The following GRIK2 variants were observed in gnomAD, a reference collection of about 807,000 sequenced individuals.
The protein encoded by GRIK2 is glutamate ionotropic receptor kainate type subunit 2.
Under a neutral mutation model 100.3 loss-of-function variants are expected in GRIK2, and 32 were observed. That is an observed-to-expected ratio of 0.32 (90% CI 0.24 to 0.43). The LOEUF (loss-of-function observed/expected upper bound fraction) is 0.43. GRIK2 is among the 20% of genes least tolerant of loss of function. GRIK2 has a pLI of 1.00. For missense variants in GRIK2, 843 were observed against 1,114.9 expected (o/e 0.76, Z 3.47); for synonymous variants, 417 against 389.4 (o/e 1.07, Z -0.83).
At chr6:101,799,269 T>C (rs1256139137) in intron 7 of GRIK2, among the ~76,000 whole-genome samples, 1 of 139,058 alleles carries the variant, frequency 7.2e-6, no homozygotes, top group Non-Finnish European at 1.5e-5. Flanking sequence ...ATGTTAGCAA[T>C]GTACTCATTG....
intron 12 of GRIK2, among the ~76,000 whole-genome samples, chr6:101,904,911 T>G (rs554290031): frequency 6.6e-6 from 1 of 151,628 alleles, no homozygotes; most frequent in African/African-American, 2.4e-5. Flanking sequence ...AAACTATACA[T>G]TTTTTACGAT....
intron 4 of GRIK2, among the ~76,000 whole-genome samples, chr6:101,634,878 A>C (rs1030380602): frequency 2.0e-5 from 3 of 152,066 alleles, no homozygotes; most frequent in Non-Finnish European, 4.4e-5. Context: ...GATGAAGTAT[A>C]CTTATAGATT....
chr6:102,005,249 A>C lies in GRIK2; in HGVS notation c.2086-30092A>C, dbSNP rs539260709. Among the ~76,000 whole-genome samples the C allele has an allele frequency of 6.0e-5, 9 of 150,700 alleles. 1 individual carries two copies. The highest frequency in any genetic ancestry group is 2.2e-4 in the African/African-American group (9 of 41,446). ...ACACATACAATCATATAATCTTATA[A>C]ATATTCACAATATGAGACTCTGTGA... is the stretch of plus-strand genomic sequence containing the variant. On this transcript the variant is annotated intron_variant, in intron 14 of 16. Transcript: ENST00000369134.
intron 7 of GRIK2, among the ~76,000 whole-genome samples, chr6:101,690,052 GTTATTGAT>G (rs1270519188): frequency 5.3e-5 from 8 of 152,076 alleles, no homozygotes; most frequent in Non-Finnish European, 1.0e-4. Context: ...GGTGATACTT[GTTATTGAT>G]TTATTGAGTT....
At chr6:101,435,688 T>C (rs1335546803) in intron 2 of GRIK2, among the ~76,000 whole-genome samples, 1 of 152,192 alleles carries the variant, frequency 6.6e-6, no homozygotes, top group African/African-American at 2.4e-5. Flanking sequence ...TCAAGATCCA[T>C]GTGCCCAAAG....
chr6:101,497,858 CTTATTTA>C (rs1562180905), intron 2 of GRIK2, among the ~76,000 whole-genome samples: 2 of 151,134 alleles, frequency 1.3e-5, no homozygotes, highest in African/African-American at 4.9e-5. Flanking sequence ...GTTTTACAAC[CTTATTTA>C]TTATTATTAT....
In GRIK2 at chr6:101,636,184, A is replaced by C. The variant is rs149878738; in HGVS notation, c.541+9547A>C. ...CTATGCAGCCATAAAAAAAAGGATG[A>C]GTTCATGTCCTTTGCAGGGTCATAG... On this transcript the variant is annotated intron_variant, in intron 4 of 16. Transcript: ENST00000369134. 5.2e-3 allele frequency among the ~76,000 whole-genome samples: 795 copies of C among 152,312 alleles called. 9 individuals are homozygous for C. Among genetic ancestry groups the C allele is most frequent in the African/African-American group, 0.018 (755 of 41,566 alleles).
At chr6:101,573,123 G>A (rs1777635536) in intron 2 of GRIK2, among the ~76,000 whole-genome samples, 1 of 152,054 alleles carries the variant, frequency 6.6e-6, no homozygotes, top group Non-Finnish European at 1.5e-5. Context: ...TGGAATTACA[G>A]GGGTGAGCCA....
chr6:101,822,323 A>G (rs891648810), intron 10 of GRIK2, among the ~76,000 whole-genome samples: 1 of 151,808 alleles, frequency 6.6e-6, no homozygotes, highest in Non-Finnish European at 1.5e-5. Context: ...ATTTTGAGTT[A>G]TACTAGATGT....
At chr6:101,761,255 T>G (rs896889507) in intron 7 of GRIK2, among the ~76,000 whole-genome samples, 1 of 152,144 alleles carries the variant, frequency 6.6e-6, no homozygotes, top group Non-Finnish European at 1.5e-5. Context: ...CTGGGTGGCC[T>G]TTGTGGTATG....
chr6:101,752,035 A>T (rs1776821108), intron 7 of GRIK2, among the ~76,000 whole-genome samples: 1 of 152,152 alleles, frequency 6.6e-6, no homozygotes, highest in South Asian at 2.1e-4. Flanking sequence ...TTTCCCATTC[A>T]TACAATTTCA....
chr6:102,022,168 CAT>C (rs1243648346), intron 14 of GRIK2, among the ~76,000 whole-genome samples: 1 of 147,384 alleles, frequency 6.8e-6, no homozygotes, highest in Admixed American at 6.8e-5. Context: ...ACACACACAA[CAT>C]ATATTTATAT....
intron 16 of GRIK2, among the ~76,000 whole-genome samples, chr6:102,058,188 T>C (rs2114513502): frequency 1.3e-5 from 2 of 151,932 alleles, no homozygotes; most frequent in Admixed American, 1.3e-4. Context: ...CATTATCCCA[T>C]TAACAGTATT....
chr6:101,431,906 G>A (rs548176695), intron 2 of GRIK2, among the ~76,000 whole-genome samples: 64 of 152,172 alleles, frequency 4.2e-4, no homozygotes, highest in African/African-American at 1.4e-3. Flanking sequence ...TAGCTGGCAT[G>A]GGGAATCATC....
intron 2 of GRIK2, among the ~76,000 whole-genome samples, chr6:101,443,008 G>T (rs1770166198): frequency 6.6e-6 from 1 of 151,956 alleles, no homozygotes. Flanking sequence ...GAATAATTTT[G>T]ATTCCACCAC....
chr6:101,978,039 A>G (rs1793499775), intron 14 of GRIK2, among the ~76,000 whole-genome samples: 3 of 151,956 alleles, frequency 2.0e-5, no homozygotes, highest in African/African-American at 7.2e-5. Flanking sequence ...AAATCTTAAA[A>G]TCATGATGGT....
intron 14 of GRIK2, among the ~76,000 whole-genome samples, chr6:101,999,065 C>G (rs1339158998): frequency 6.6e-6 from 1 of 152,082 alleles, no homozygotes; most frequent in Admixed American, 6.6e-5. Flanking sequence ...CCGCCTGCCT[C>G]AGCCTCCCAA....
intron 2 of GRIK2, among the ~76,000 whole-genome samples, chr6:101,457,453 AT>A (rs540059815): frequency 2.6e-5 from 4 of 151,822 alleles, no homozygotes; most frequent in Admixed American, 2.0e-4. Context: ...GATTTCAGCA[AT>A]TTTTTTTCAC....
At chr6:101,957,513 C>T (rs1336178359) in intron 14 of GRIK2, among the ~76,000 whole-genome samples, 1 of 151,214 alleles carries the variant, frequency 6.6e-6, no homozygotes, top group Non-Finnish European at 1.5e-5. Flanking sequence ...TTTTACTGTG[C>T]AGACACTTTC....
Sources: gnomAD v4.1 joint callset for allele counts (sites outside exome capture counted in the v4.1 genomes callset) on GRCh38, gnomAD v4.1.1 for gene constraint, MANE v1.5 for transcripts, NCBI Gene and HGNC (gene_info 2026-07-23, HGNC 2026-07-21) for gene names.